The following DAB1 variants were observed in gnomAD, a reference collection of about 807,000 sequenced individuals.
The protein encoded by DAB1 is disabled homolog 1.
In DAB1, 15 loss-of-function variants were observed where a neutral mutation model predicts 64.6. That is an observed-to-expected ratio of 0.23 (90% CI 0.16 to 0.36). The LOEUF (loss-of-function observed/expected upper bound fraction) is 0.36. Among genes scored for constraint, DAB1 ranks in the 10% least tolerant of loss-of-function variants. The pLI, the probability that DAB1 is intolerant of heterozygous loss-of-function variation, is 1.00. For missense variants in DAB1, 596 were observed against 706.7 expected, an observed-to-expected ratio of 0.84 and a Z score of 1.78; for synonymous variants, 235 against 251.9, an observed-to-expected ratio of 0.93 and a Z score of 0.64.
chr1:58,129,555 G>A (rs1653379815), intron 5 of DAB1, among the ~76,000 whole-genome samples: 1 of 134,644 alleles, frequency 7.4e-6, no homozygotes, highest in African/African-American at 3.1e-5. Flanking sequence ...ATGTTACGGT[G>A]TCAATTTTGG....
intron 7 of DAB1, among the ~76,000 whole-genome samples, chr1:57,466,432 G>T (rs1570546490): frequency 6.6e-6 from 1 of 152,092 alleles, no homozygotes; most frequent in Admixed American, 6.6e-5. Flanking sequence ...TGATTGTTCT[G>T]CTATTAAGTG....
intron 2 of DAB1, among the ~76,000 whole-genome samples, chr1:57,240,139 T>A (rs1668394789): frequency 6.6e-6 from 1 of 152,160 alleles, no homozygotes; most frequent in African/African-American, 2.4e-5. Flanking sequence ...AGGAACAATA[T>A]ATTACTATTT....
intron 1 of DAB1, among the ~76,000 whole-genome samples, chr1:57,359,984 T>C (rs547802967): frequency 6.6e-6 from 1 of 151,928 alleles, no homozygotes; most frequent in African/African-American, 2.4e-5. Flanking sequence ...TTATACATAA[T>C]CACAGTTAGA....
intron 2 of DAB1, among the ~76,000 whole-genome samples, chr1:57,150,102 A>G (rs1337789863): frequency 6.6e-6 from 1 of 152,080 alleles, no homozygotes. Context: ...CAGCTCTCTG[A>G]CCTACCTCCT....
intron 3 of DAB1, among the ~76,000 whole-genome samples, chr1:58,356,151 C>G (rs904096431): frequency 2.0e-5 from 3 of 152,198 alleles, no homozygotes; most frequent in Admixed American, 2.0e-4. Flanking sequence ...CTCAAACTAG[C>G]GTCTGCATTA....
chr1:57,399,906 G>C (rs768998361), intron 1 of DAB1, among the ~76,000 whole-genome samples: 103 of 152,240 alleles, frequency 6.8e-4, no homozygotes, highest in Non-Finnish European at 1.2e-3. Context: ...TTGGGAGCCA[G>C]AGTGAAAATG....
chr1:58,346,167 T>C (rs1344632149), intron 3 of DAB1, among the ~76,000 whole-genome samples: 1 of 152,202 alleles, frequency 6.6e-6, no homozygotes, highest in African/African-American at 2.4e-5. Flanking sequence ...AGACACTAAA[T>C]CCATTTCCTG....
intron 6 of DAB1, among the ~76,000 whole-genome samples, chr1:57,758,330 T>C (rs907140123): frequency 6.6e-6 from 1 of 152,130 alleles, no homozygotes; most frequent in African/African-American, 2.4e-5. Flanking sequence ...GTCACACTAT[T>C]ATTAAGATTT....
chr1:57,480,106 C>G (rs1445193179), intron 7 of DAB1, among the ~76,000 whole-genome samples: 1 of 149,208 alleles, frequency 6.7e-6, no homozygotes, highest in Non-Finnish European at 1.5e-5. Flanking sequence ...GAGTCGAGAT[C>G]GCGCCACTGC....
Position 58,240,401 on chromosome 1 carries a change from T to C in DAB1, n.310-89813A>G, listed in dbSNP as rs911316624. ...TATGGTGACACACCATCATGGATCATGTCCTAGTGGTGAAGGAACACAAGC... is the reference window on the plus strand; with the variant it reads ...TATGGTGACACACCATCATGGATCACGTCCTAGTGGTGAAGGAACACAAGC... On this transcript the variant is annotated intron_variant and non_coding_transcript_variant, in intron 4 of 20. Coordinates refer to the DAB1 transcript ENST00000485760. Among the ~76,000 whole-genome samples, 33 of 152,214 alleles carry C rather than the reference T, an allele frequency of 2.2e-4. 1 individual carries two copies. Among genetic ancestry groups the C allele is most frequent in the African/African-American group, 8.0e-4 (33 of 41,458 alleles).
chr1:57,185,131 C>T (rs574068608), intron 2 of DAB1, among the ~76,000 whole-genome samples: 1 of 152,224 alleles, frequency 6.6e-6, no homozygotes, highest in South Asian at 2.1e-4. Flanking sequence ...CATGCTTCCC[C>T]CTCTCTGTGC....
intron 4 of DAB1, among the ~76,000 whole-genome samples, chr1:57,114,525 ATGT>A (rs1655941212): frequency 6.6e-6 from 1 of 152,180 alleles, no homozygotes; most frequent in South Asian, 2.1e-4. Flanking sequence ...ATTACAGAAG[ATGT>A]TGTCCATTGT....
At chr1:58,250,816 T>A (rs1394027720) in intron 4 of DAB1, among the ~76,000 whole-genome samples, 2 of 152,214 alleles carry the variant, frequency 1.3e-5, no homozygotes, top group African/African-American at 2.4e-5. Context: ...AGTGATTTAC[T>A]GGGGAGAGCC....
chr1:57,332,984 C>T (rs995003818), intron 1 of DAB1, among the ~76,000 whole-genome samples: 18 of 152,164 alleles, frequency 1.2e-4, no homozygotes, highest in African/African-American at 4.3e-4. Context: ...ACTCTCTTCG[C>T]TTTGCTCTTT....
At chr1:57,177,749 T>C (rs1393080542) in intron 2 of DAB1, among the ~76,000 whole-genome samples, 3 of 152,210 alleles carry the variant, frequency 2.0e-5, no homozygotes, top group African/African-American at 7.2e-5. Flanking sequence ...CTTTTCCTAA[T>C]CTGATCAAAG....
At chr1:57,243,762 T>C (rs12070321) in intron 2 of DAB1, among the ~76,000 whole-genome samples, 13,551 of 152,174 alleles carry the variant, frequency 0.089, 2,012 homozygotes, top group African/African-American at 0.31. Flanking sequence ...CCATGAGACA[T>C]AAGCAGCGCT....
At chr1:57,676,720 T>C (rs531621808) in intron 6 of DAB1, among the ~76,000 whole-genome samples, 13 of 152,274 alleles carry the variant, frequency 8.5e-5, no homozygotes, top group Admixed American at 7.8e-4. Flanking sequence ...CCAATTCTGG[T>C]GAAATTTTTG....
intron 7 of DAB1, among the ~76,000 whole-genome samples, chr1:57,552,869 T>G (rs1033349451): frequency 1.3e-5 from 2 of 152,094 alleles, no homozygotes; most frequent in Non-Finnish European, 2.9e-5. Flanking sequence ...AAGGTTGTTT[T>G]GTGATAAAAA....
intron 7 of DAB1, among the ~76,000 whole-genome samples, chr1:57,615,282 CA>C (rs1645778920): frequency 6.6e-6 from 1 of 152,148 alleles, no homozygotes; most frequent in Non-Finnish European, 1.5e-5. Context: ...AAGTTCTGGT[CA>C]AAGGTTAGCA....
Sources: allele counts gnomAD v4.1 joint callset (sites outside exome capture counted in the v4.1 genomes callset), GRCh38; gene constraint gnomAD v4.1.1; transcripts MANE v1.5; gene names NCBI Gene and HGNC (gene_info 2026-07-23, HGNC 2026-07-21).